Variants in PLCB3 observed in about 807,000 individuals in gnomAD.
PLCB3 encodes the protein phospholipase C beta 3.
A neutral mutation model predicts 152.1 loss-of-function variants in PLCB3; 54 were observed. That is an observed-to-expected ratio of 0.36 (90% CI 0.29 to 0.45). The LOEUF is 0.45. Among genes scored for constraint, PLCB3 ranks in the 20% least tolerant of loss-of-function variants. The pLI, the probability that PLCB3 is intolerant of heterozygous loss-of-function variation, is 1.00. For synonymous variants in PLCB3, 717 were observed against 698.7 expected (o/e 1.03, Z -0.41); for missense variants, 1,248 against 1,687.5 (o/e 0.74, Z 4.56).
chr11:64,267,680 C>T lies in PLCB3; in HGVS notation c.*124C>T, dbSNP rs1422111107. 3.1e-5 allele frequency: 25 copies of T among 805,434 alleles called. No homozygotes were observed. The highest frequency in any genetic ancestry group is 1.4e-4 in the African/African-American group (8 of 57,148). The allele number at this position is 805,434 out of a possible 1,614,324, so 49.9% of individuals were successfully genotyped here. A position where few individuals can be genotyped will look rare whatever the true frequency, so the allele number is the denominator to read the frequency against. On this transcript the variant is annotated 3_prime_UTR_variant, in exon 31 of 31. Coordinates refer to ENST00000279230, the MANE Select transcript of PLCB3 (RefSeq NM_000932.5). This position sits in a 1 kb window ranked among gnomAD's most constrained non-coding sequence, Gnocchi z 5.2. ...TCTAGAAATTTTATTTTTTTAAACC[C>T]GGGGCAAGTACCTCAGCTAACTCCC...
Position 64,251,716 on chromosome 11 carries a change from C to G in PLCB3, c.67C>G (p.Arg23Gly). 6.7e-7 allele frequency: 1 copy of G among 1,482,990 alleles called. No individual in the cohort carries two copies. Among genetic ancestry groups the G allele is most frequent in the Admixed American group, 2.4e-5 (1 of 41,504 alleles). The allele number at this position is 1,482,990 out of a possible 1,614,324, so 91.9% of individuals were successfully genotyped here. The change falls in exon 1 of 31, where the codon CGG becomes GGG. Residue 23 changes from arginine (R) to glycine (G), a missense_variant. By Grantham distance (125) the Arg-to-Gly change is moderately radical (BLOSUM62 -2). Around this residue, in one of 6 missense-constraint regions of PLCB3, gnomAD observed 299 missense variants for 434.7 expected, o/e 0.69. Coordinates refer to ENST00000279230, the MANE Select transcript of PLCB3 (RefSeq NM_000932.5). ...LEPPTVVETL[R>G]RGSKFIKWDE... ...GCCGCCCACCGTGGTGGAGACCCTG[C>G]GGCGCGGGAGTAAGTTCATCAAATG...
rs745495212 is a variant in PLCB3 at position 64,265,902 on chromosome 11, G to A, written c.3052G>A (p.Val1018Met). The change falls in exon 26 of 31, where the codon GTG becomes ATG. Residue 1018 changes from valine (V) to methionine (M), a missense_variant. Physicochemically the swap from Val to Met is conservative, Grantham distance 21 (BLOSUM62 1). Coordinates refer to ENST00000279230, the MANE Select transcript of PLCB3 (RefSeq NM_000932.5). ...TCCTCGCAGAGGTGGGGCCGCTGAT[G>A]TGGAGGACACGAAGGAGGGGGAGGA... ...RPGALGGAADVEDTKEGEDEA... is the reference protein window; with the variant it reads ...RPGALGGAADMEDTKEGEDEA... 5.6e-6 allele frequency: 9 copies of A among 1,613,048 alleles called. No individual in the cohort carries two copies. Among genetic ancestry groups the A allele is most frequent in the Non-Finnish European group, 7.6e-6 (9 of 1,179,986 alleles).
At chr11:64,259,381 C>A in intron 13 of PLCB3, 137 bp downstream of exon 13, 1 of 729,118 alleles carries the variant, frequency 1.4e-6, no homozygotes, top group Non-Finnish European at 2.2e-6. Context: ...ACCGGCCTGT[C>A]TCCTCACCAC....
Position 64,264,990 on chromosome 11 carries a change from C to T in PLCB3, c.2692C>T (p.Gln898Ter). 1 of 1,612,354 alleles carries T rather than the reference C, an allele frequency of 6.2e-7. No homozygotes were observed. The highest frequency in any genetic ancestry group is 8.5e-7 in the Non-Finnish European group (1 of 1,179,734). Residue 898 changes from glutamine to a stop codon, truncating the protein, a stop_gained, in exon 23 of 31, where the codon CAG (glutamine) becomes TAG (stop). Transcript: ENST00000279230. LOFTEE classifies it high-confidence loss of function. Reference sequence around the variant, plus strand: ...AGAGACGTGCCAGGACACCCAGTCTCAGCAGCTGGGGTCTCAGCCGTCCTC... The same window carrying T: ...AGAGACGTGCCAGGACACCCAGTCTTAGCAGCTGGGGTCTCAGCCGTCCTC... ...GQETCQDTQSQQLGSQPSSNP... is the reference protein window; with the variant it reads ...GQETCQDTQS
rs2031542908 is a variant in PLCB3 at position 64,256,557 on chromosome 11, G to C, written c.865+15G>C. The C allele has an allele frequency of 6.2e-7, 1 of 1,613,282 alleles. No individual in the cohort carries two copies. The stretch of plus-strand genomic sequence containing the variant: ...TCTGGAGCGAGGTGAGCTGGCTGGG[G>C]TGCAGGTGGGTGGGGGCAGGTGGGA... On this transcript the variant is annotated intron_variant, in intron 9 of 30. Coordinates refer to ENST00000279230, the MANE Select transcript of PLCB3 (RefSeq NM_000932.5).
rs575930705 is a variant in PLCB3, at chr11:64,261,260, C to T, written c.1732-140C>T. ...TGTCCAGGGCGCATCAGTGAGACCC[C>T]GGGGAGAAGACTGTCGGCACCACCA... On this transcript the variant is annotated intron_variant, in intron 14 of 30. Coordinates refer to ENST00000279230, the MANE Select transcript of PLCB3 (RefSeq NM_000932.5). 4.2e-4 allele frequency: 293 copies of T among 695,142 alleles called. 1 individual carries two copies. The African/African-American group carries it at 4.5e-3, about 11-fold the overall frequency. The allele number at this position is 695,142 out of a possible 1,614,324, so 43.1% of individuals were successfully genotyped here. A position where few individuals can be genotyped will look rare whatever the true frequency, so the allele number is the denominator to read the frequency against.
At chr11:64,262,103 C>T (rs1415331834) in intron 17 of PLCB3, 27 bp downstream of exon 17, 4 of 1,613,708 alleles carry the variant, frequency 2.5e-6, no homozygotes, top group Non-Finnish European at 3.4e-6. Context: ...TCCATCTTGA[C>T]CCCGACCCTC....
rs1295167904 is a variant in PLCB3 at position 64,266,858 on chromosome 11, G to GGC, written c.3414+310_3414+311dup. On this transcript the variant is annotated intron_variant, in intron 29 of 30. Transcript: ENST00000279230. The surrounding 1 kb of genome is among the most constrained non-coding windows in gnomAD (Gnocchi z 4.9). ...TCTGTCGCCCAGGCTGGAGTGCAGT[G>GGC]GCGCGATCTTGGCTCACTGCAACCT... Among the ~76,000 whole-genome samples the GGC allele has an allele frequency of 1.3e-5, 2 of 151,920 alleles. No homozygotes were observed. Among genetic ancestry groups the GGC allele is most frequent in the African/African-American group, 4.8e-5 (2 of 41,320 alleles).
intron 21 of PLCB3, 67 bp downstream of exon 21, chr11:64,263,862 C>T: frequency 7.3e-7 from 1 of 1,370,080 alleles, no homozygotes; most frequent in Non-Finnish European, 1.0e-6. Context: ...CCCCCAGGGC[C>T]TGGGAGTGGC....
rs555033217 is a variant in PLCB3, at chr11:64,255,096, G to A, written c.387+58G>A. On this transcript the variant is annotated intron_variant, in intron 4 of 30. Transcript: ENST00000279230. This position sits in a 1 kb window ranked among gnomAD's most constrained non-coding sequence, Gnocchi z 6.8. The stretch of plus-strand genomic sequence containing the variant: ...CACTGTCTTATTCTGTGAGTCGGCC[G>A]TCACTTACCGAACACCTGCTGTGTT... The A allele has an allele frequency of 4.1e-4, 634 of 1,564,826 alleles. No homozygotes were observed. The highest frequency in any genetic ancestry group is 5.0e-4 in the Non-Finnish European group (574 of 1,141,922).
At chr11:64,252,433 C>G (rs2031262219) in intron 1 of PLCB3, among the ~76,000 whole-genome samples, 1 of 152,170 alleles carries the variant, frequency 6.6e-6, no homozygotes, top group African/African-American at 2.4e-5. Context: ...CTGGTGCTTC[C>G]CAAATGCCTG....
Position 64,263,702 on chromosome 11 carries a change from G to C in PLCB3, c.2467G>C (p.Val823Leu). The change falls in exon 21 of 31, where the codon GTC (valine) becomes CTC (leucine). Residue 823 changes from valine (V) to leucine (L), a missense_variant. Around this residue, in one of 6 missense-constraint regions of PLCB3, gnomAD observed 244 missense variants for 424.4 expected, o/e 0.57. Transcript: ENST00000279230. ...TCCTGACCACCCAGGATACCACTAC[G>C]TCTGCCTGCGGAACGAGGCCAACCA... The part of the protein sequence containing the change: ...VSAIRSGYHY[V>L]CLRNEANQPL... 7 of 1,613,484 alleles carry C rather than the reference G, an allele frequency of 4.3e-6. No individual in the cohort carries two copies. Among genetic ancestry groups the C allele is most frequent in the Non-Finnish European group, 5.9e-6 (7 of 1,179,916 alleles).
Position 64,261,623 on chromosome 11 carries a change from A to G in PLCB3, c.1871A>G (p.Lys624Arg), listed in dbSNP as rs1377354341. The change falls in exon 16 of 31, where the codon AAG becomes AGG. Residue 624 changes from lysine (K) to arginine (R), a missense_variant. By Grantham distance (26) the Lys-to-Arg change is conservative. This residue lies in a region of PLCB3 where 244 missense variants were observed against 424.4 expected (regional missense o/e 0.57). Coordinates refer to ENST00000279230, the MANE Select transcript of PLCB3 (RefSeq NM_000932.5). ...GAGATGTCGTCCTTTGTGGAGACCA[A>G]GGCCATGGAGCAACTGACCAAGAGC... ...CFEMSSFVET[K>R]AMEQLTKSPM... 1 of 1,614,138 alleles carries G rather than the reference A, an allele frequency of 6.2e-7. No homozygotes were observed. The highest frequency in any genetic ancestry group is 2.2e-5 in the East Asian group (1 of 44,886).
In PLCB3 at chr11:64,267,508, C is replaced by A. The variant is rs1301106059; in HGVS notation, c.3657C>A (p.His1219Gln). 1 of 1,569,832 alleles carries A rather than the reference C, an allele frequency of 6.4e-7. No homozygotes were observed. Among genetic ancestry groups the A allele is most frequent in the Non-Finnish European group, 8.6e-7 (1 of 1,161,916 alleles). ...GTCACGCACCCGGGAGCAGCGGGCA[C>A]CTGTCGGGCGCTGACTCGGAGAGCC... The part of the protein sequence containing the change: ...SNGHAPGSSG[H>Q]LSGADSESQE... Residue 1219 changes from histidine (H) to glutamine (Q), a missense_variant, in exon 31 of 31, where the codon CAC becomes CAA. His to Gln is a conservative substitution (Grantham distance 24, BLOSUM62 0). Around this residue, in one of 6 missense-constraint regions of PLCB3, gnomAD observed 477 missense variants for 489.6 expected, o/e 0.97. Coordinates refer to ENST00000279230, the MANE Select transcript of PLCB3 (RefSeq NM_000932.5). The surrounding 1 kb of genome is among the most constrained non-coding windows in gnomAD (Gnocchi z 5.2).
chr11:64,251,974 CAG>C (rs1414888416), intron 1 of PLCB3, among the ~76,000 whole-genome samples: 1 of 151,866 alleles, frequency 6.6e-6, no homozygotes, highest in Non-Finnish European at 1.5e-5. Flanking sequence ...CTCCTTGGCG[CAG>C]AGACTTTGAA....
Position 64,267,594 on chromosome 11 carries a change from G to A in PLCB3, c.*38G>A, listed in dbSNP as rs1388259755. On this transcript the variant is annotated 3_prime_UTR_variant, in exon 31 of 31. Transcript: ENST00000279230. This position sits in a 1 kb window ranked among gnomAD's most constrained non-coding sequence, Gnocchi z 5.2. ...AGGTGGCCACAGGGCCAGGGCGGGC[G>A]CTGGGTGGAGGGCAGGAGGCAATGA... is the stretch of plus-strand genomic sequence containing the variant. The A allele has an allele frequency of 5.5e-6, 8 of 1,447,688 alleles. No homozygotes were observed. The highest frequency in any genetic ancestry group is 4.9e-5 in the South Asian group (4 of 82,132). The allele number at this position is 1,447,688 out of a possible 1,614,324, so 89.7% of individuals were successfully genotyped here.
rs781050534 is a variant in PLCB3 at position 64,262,553 on chromosome 11, C to A, written c.2185C>A (p.Arg729=). The A allele has an allele frequency of 6.2e-7, 1 of 1,613,664 alleles. No homozygotes were observed. Among genetic ancestry groups the A allele is most frequent in the Non-Finnish European group, 8.5e-7 (1 of 1,179,802 alleles). Reference sequence around the variant, plus strand: ...GGATGGCATCGTGGCCAATGCCTTGCGGGTCAAGGTGGGGCTTGCGGGCGG... The same window carrying A: ...GGATGGCATCGTGGCCAATGCCTTGAGGGTCAAGGTGGGGCTTGCGGGCGG... ...IVDGIVANAL[R]VKVISGQFLS... The change falls in exon 18 of 31, where the codon CGG becomes AGG. Residue 729 remains arginine, a synonymous_variant. Transcript: ENST00000279230.
chr11:64,256,886 C>T, intron 10 of PLCB3, 122 bp downstream of exon 10: 6 of 1,124,254 alleles, frequency 5.3e-6, no homozygotes, highest in Non-Finnish European at 7.6e-6. Flanking sequence ...GCTGGGGATG[C>T]AGGCAGGGAA....
At position 64,266,743 on chromosome 11, in the gene PLCB3, G is replaced by A. The variant is rs1040517887; in HGVS notation, c.3414+191G>A. On this transcript the variant is annotated intron_variant, in intron 29 of 30. Coordinates refer to ENST00000279230, the MANE Select transcript of PLCB3 (RefSeq NM_000932.5). The surrounding 1 kb of genome is among the most constrained non-coding windows in gnomAD (Gnocchi z 4.9). Reference sequence around the variant, plus strand: ...CTGTACCAGTGTCCCTGGCTTTGGCGTCCTTGGGCCCAGTCCTCTCACAAC... The same window carrying A: ...CTGTACCAGTGTCCCTGGCTTTGGCATCCTTGGGCCCAGTCCTCTCACAAC... Among the ~76,000 whole-genome samples, 31 of 152,088 alleles carry A rather than the reference G, an allele frequency of 2.0e-4. No individual in the cohort carries two copies. The highest frequency in any genetic ancestry group is 7.9e-4 in the Admixed American group (12 of 15,252).
Sources: gnomAD v4.1 joint callset for allele counts (sites outside exome capture counted in the v4.1 genomes callset) on GRCh38, gnomAD v4.1.1 for gene constraint, gnomAD v4.1.1 regional missense constraint, Gnocchi (gnomAD v3.1) non-coding constraint, MANE v1.5 for transcripts, NCBI Gene and HGNC (gene_info 2026-07-23, HGNC 2026-07-21) for gene names.